Variants in EPB41 observed in about 807,000 individuals in gnomAD.
The protein encoded by EPB41 is protein 4.1.
In EPB41, 65 loss-of-function variants were observed where a neutral mutation model predicts 108.0. The ratio of observed to expected loss-of-function variants is 0.60; its 90% CI spans 0.49 to 0.74. The LOEUF (loss-of-function observed/expected upper bound fraction) is 0.74, where lower values mean the gene tolerates loss of function less well. EPB41 is among the 30% of genes least tolerant of loss of function. The probability of loss-of-function intolerance (pLI) is 0.00; values close to 1 mark genes in which losing one functional copy is unlikely to be tolerated. For missense variants in EPB41, 875 were observed against 1,037.0 expected (o/e 0.84, Z 2.15); for synonymous variants, 336 against 358.9 (o/e 0.94, Z 0.72).
chr1:29,080,761 C>T (rs1000326785), intron 16 of EPB41, among the ~76,000 whole-genome samples: 2 of 152,208 alleles, frequency 1.3e-5, no homozygotes, highest in African/African-American at 4.8e-5. Context: ...TCCTTTTGCT[C>T]TAATACTTAG....
Position 29,117,525 on chromosome 1 carries a change from T to C in EPB41, c.*713T>C, listed in dbSNP as rs1378607682. 6.6e-6 allele frequency: 1 copy of C among 152,644 alleles called. No individual in the cohort carries two copies. Among genetic ancestry groups the C allele is most frequent in the Admixed American group, 6.5e-5 (1 of 15,268 alleles). The allele number at this position is 152,644 out of a possible 1,614,324, so 9.5% of individuals were successfully genotyped here. ...CTTCAGATATCTGATACTGTGAATG[T>C]TTGAACATATCCGTGGCCTTCACCT... On this transcript the variant is annotated 3_prime_UTR_variant, in exon 21 of 21. Coordinates refer to ENST00000343067, the MANE Select transcript of EPB41 (RefSeq NM_001376013.1).
rs202037749 is a variant in EPB41 at position 29,011,937 on chromosome 1, T to G, written c.829+30T>G. The G allele has an allele frequency of 4.3e-6, 7 of 1,612,528 alleles. No homozygotes were observed. In the South Asian group the frequency reaches 4.4e-5, roughly 10 times the overall value. ...GTGGATATAGCTCTTTTTATAGTTCTTTCTTTCTTTTAGTAGGTCAGAGGA... is the reference window on the plus strand; with the variant it reads ...GTGGATATAGCTCTTTTTATAGTTCGTTCTTTCTTTTAGTAGGTCAGAGGA... On this transcript the variant is annotated intron_variant, in intron 5 of 20. Transcript: ENST00000343067.
chr1:29,118,713 G>GGTGGGAC lies in EPB41; in HGVS notation c.*1909_*1915dup, dbSNP rs991303686. Reference sequence around the variant, plus strand: ...CAACAGGAGGGAGGGAAAGAGCCCAGGTGGGACGTGGGACAGGCTTAGGGG... The same window carrying GGTGGGAC: ...CAACAGGAGGGAGGGAAAGAGCCCAGGTGGGACGTGGGACGTGGGACAGGCTTAGGGG... On this transcript the variant is annotated 3_prime_UTR_variant, in exon 21 of 21. Coordinates refer to ENST00000343067, the MANE Select transcript of EPB41 (RefSeq NM_001376013.1). 6.6e-6 allele frequency: 1 copy of GGTGGGAC among 152,136 alleles called. No homozygotes were observed. The highest frequency in any genetic ancestry group is 1.5e-5 in the Non-Finnish European group (1 of 68,088). 9.4% of individuals were successfully genotyped at this position (152,136 alleles called of 1,614,324 possible). A position where few individuals can be genotyped will look rare whatever the true frequency, so the allele number is the denominator to read the frequency against.
At chr1:29,029,692 G>A (rs1358362620) in intron 7 of EPB41, among the ~76,000 whole-genome samples, 4 of 152,196 alleles carry the variant, frequency 2.6e-5, no homozygotes, top group Non-Finnish European at 5.9e-5. Flanking sequence ...CTGTCACAGC[G>A]AGTGTTTAGA....
intron 1 of EPB41, among the ~76,000 whole-genome samples, chr1:28,965,579 A>G (rs1015120234): frequency 4.6e-5 from 7 of 151,792 alleles, no homozygotes; most frequent in Non-Finnish European, 7.4e-5. Flanking sequence ...AACACACACA[A>G]CCTCATTTTT....
intron 15 of EPB41, among the ~76,000 whole-genome samples, chr1:29,062,039 G>A (rs926527942): frequency 3.3e-5 from 5 of 152,250 alleles, no homozygotes; most frequent in Middle Eastern, 3.4e-3. Context: ...CATGTATTGC[G>A]TGGTGGGTGA....
chr1:28,909,225 A>G (rs2092083987), intron 1 of EPB41, among the ~76,000 whole-genome samples: 1 of 151,994 alleles, frequency 6.6e-6, no homozygotes, highest in Admixed American at 6.6e-5. Context: ...TTAGGTTGAG[A>G]CATATGAAAT....
intron 18 of EPB41, 33 bp downstream of exon 18, chr1:29,109,470 C>T: frequency 6.3e-7 from 1 of 1,583,452 alleles, no homozygotes; most frequent in Non-Finnish European, 8.7e-7. Context: ...TTTATGGAAC[C>T]CAGGGGCAGG....
At chr1:28,894,458 G>A (rs1374869690) in intron 1 of EPB41, among the ~76,000 whole-genome samples, 2 of 152,152 alleles carry the variant, frequency 1.3e-5, no homozygotes, top group South Asian at 4.1e-4. Context: ...GGGGATCAGG[G>A]CTCTGGTAAA....
At chr1:28,913,886 C>T (rs188276462), upstream of EPB41, among the ~76,000 whole-genome samples, 2 of 152,274 alleles carry the variant, frequency 1.3e-5, no homozygotes, top group East Asian at 1.9e-4. Context: ...GAAGCTAGGT[C>T]TTTATAATGT....
At chr1:29,102,613 A>G (rs2151566681) in intron 17 of EPB41, among the ~76,000 whole-genome samples, 1 of 152,106 alleles carries the variant, frequency 6.6e-6, no homozygotes, top group African/African-American at 2.4e-5. Context: ...ATTTAGAGAC[A>G]GTCTTGCTCT....
At chr1:28,914,956 C>G (rs887459667) in intron 1 of EPB41, among the ~76,000 whole-genome samples, 188 bp downstream of exon 1, 2 of 151,726 alleles carry the variant, frequency 1.3e-5, no homozygotes, top group South Asian at 4.2e-4. Flanking sequence ...CCAGCCGGGA[C>G]GCGGCCCGAG....
chr1:28,990,296 T>TTTCCTTCCTTCCTTCCTTCTTTCCTTCC (rs1557935488), intron 2 of EPB41, among the ~76,000 whole-genome samples: 55 of 44,042 alleles, frequency 1.2e-3, no homozygotes, highest in African/African-American at 7.4e-3. Flanking sequence ...GTTTTTCAAA[T>TTTCCTTCCTTCCTTCCTTCTTTCCTTCC]TTCCTTCCTT....
chr1:29,081,215 T>C (rs1308369911), intron 16 of EPB41, among the ~76,000 whole-genome samples: 1 of 152,218 alleles, frequency 6.6e-6, no homozygotes, highest in Non-Finnish European at 1.5e-5. Flanking sequence ...TAAAAATAAT[T>C]TTTTTCTAAC....
intron 1 of EPB41, among the ~76,000 whole-genome samples, chr1:28,895,724 G>A (rs1015994906): frequency 6.6e-6 from 1 of 152,150 alleles, no homozygotes; most frequent in Non-Finnish European, 1.5e-5. Flanking sequence ...CTGACCTCAG[G>A]TGATCAACCT....
Position 29,035,858 on chromosome 1 carries a change from A to G in EPB41, c.1398A>G (p.Lys466=). The change falls in exon 10 of 21, where the codon AAA becomes AAG. Residue 466 remains lysine (K), a synonymous_variant. Transcript: ENST00000343067. ...AGTATGAAAGTACCATCGGATTCAA[A>G]CTTCCCAGTTACCGAGCAGCTAAGA... The part of the protein sequence containing the change: ...QEQYESTIGF[K]LPSYRAAKKL... The G allele has an allele frequency of 6.2e-7, 1 of 1,614,090 alleles. No homozygotes were observed. The highest frequency in any genetic ancestry group is 8.5e-7 in the Non-Finnish European group (1 of 1,179,966).
chr1:28,950,754 G>A (rs116382286), intron 1 of EPB41, among the ~76,000 whole-genome samples: 229 of 152,196 alleles, frequency 1.5e-3, no homozygotes, highest in Non-Finnish European at 2.5e-3. Context: ...CCAACTAAAA[G>A]GCCACATTTC....
intron 16 of EPB41, among the ~76,000 whole-genome samples, chr1:29,078,960 A>G (rs1002986253): frequency 6.6e-6 from 1 of 152,064 alleles, no homozygotes; most frequent in Non-Finnish European, 1.5e-5. Flanking sequence ...GCCAAGTTTT[A>G]GAGATATATA....
At chr1:28,962,029 T>C (rs2095230809) in intron 1 of EPB41, among the ~76,000 whole-genome samples, 1 of 152,048 alleles carries the variant, frequency 6.6e-6, no homozygotes, top group Admixed American at 6.6e-5. Flanking sequence ...TTTTTTTTAA[T>C]GGAGATACTA....
Sources: allele counts gnomAD v4.1 joint callset (sites outside exome capture counted in the v4.1 genomes callset), GRCh38; gene constraint gnomAD v4.1.1; transcripts MANE v1.5; gene names NCBI Gene and HGNC (gene_info 2026-07-23, HGNC 2026-07-21).